The following CWC15 variants were observed in gnomAD, a reference collection of about 807,000 sequenced individuals.
CWC15 encodes the protein CWC15 spliceosome associated protein, also known as spliceosome-associated protein CWC15 homolog.
CWC15 carries 12 observed loss-of-function variants against 28.4 expected under a neutral mutation model. That is an observed-to-expected ratio of 0.42 (90% CI 0.27 to 0.69). The LOEUF is 0.69. Ranked by LOEUF, CWC15 falls within the 30% of genes least tolerant of loss-of-function variation. The pLI, the probability that CWC15 is intolerant of heterozygous loss-of-function variation, is 0.23. For missense variants in CWC15, 192 were observed against 271.5 expected, an observed-to-expected ratio of 0.71 and a Z score of 2.06; for synonymous variants, 92 against 88.4, an observed-to-expected ratio of 1.04 and a Z score of -0.23.
rs1555096338 is a variant in CWC15 at position 94,972,175 on chromosome 11, G to GT, written c.10_11insA (p.Ala4AspfsTer7). The GT allele has an allele frequency of 2.5e-6, 4 of 1,612,058 alleles. No homozygotes were observed. In the African/African-American group the frequency reaches 4.0e-5, roughly 16 times the overall value. On this transcript the variant is annotated frameshift_variant, in exon 2 of 7. Transcript: ENST00000279839. LOFTEE classifies it high-confidence loss of function. ...GGCAGGTTCAAAGGTTGGCCTGGCT[G>GT]CTGTTGTCATCTTTTATGCTTTGAA...
chr11:94,963,342 T>A lies in CWC15; in HGVS notation c.*43A>T. 2 of 1,454,326 alleles carry A rather than the reference T, an allele frequency of 1.4e-6. No individual in the cohort carries two copies. Among genetic ancestry groups the A allele is most frequent in the Non-Finnish European group, 1.8e-6 (2 of 1,091,540 alleles). 90.1% of individuals were successfully genotyped at this position (1,454,326 alleles called of 1,614,324 possible). A position where few individuals can be genotyped will look rare whatever the true frequency, so the allele number is the denominator to read the frequency against. Reference sequence around the variant, plus strand: ...AAACTCATAAAAAAAGTCAGAATGATCCTTTACGTTTTACAGTCTTTAATT... The same window carrying A: ...AAACTCATAAAAAAAGTCAGAATGAACCTTTACGTTTTACAGTCTTTAATT... On this transcript the variant is annotated 3_prime_UTR_variant, in exon 7 of 7. Coordinates refer to ENST00000279839, the MANE Select transcript of CWC15 (RefSeq NM_016403.4).
intron 4 of CWC15, chr11:94,970,749 C>G (rs1256392154): frequency 1.9e-6 from 1 of 518,894 alleles, no homozygotes; most frequent in Admixed American, 3.2e-5. Flanking sequence ...TTTATAGATT[C>G]CTTCCATATT....
chr11:94,964,205 C>T (rs1857609008), intron 6 of CWC15, among the ~76,000 whole-genome samples: 1 of 152,054 alleles, frequency 6.6e-6, no homozygotes, highest in Admixed American at 6.6e-5. Flanking sequence ...TATCACCTAG[C>T]ATATAAAACA....
At chr11:94,970,873 C>G (rs3737505) in intron 4 of CWC15, 104 bp downstream of exon 4, 592,844 of 950,822 alleles carry the variant, frequency 0.62, 190,260 homozygotes, top group Non-Finnish European at 0.68. Context: ...ATAACAGTAA[C>G]TAAACATAAA....
rs1026592941 is a variant in CWC15, at chr11:94,970,416, C to T, written c.334-320G>A. On this transcript the variant is annotated intron_variant, in intron 4 of 6. Transcript: ENST00000279839. ...GTTAGATATTACTCATTGGATGCCA[C>T]TCAGGTTTTTCACTGTCCTGTATGT... 3.5e-5 allele frequency: 7 copies of T among 198,636 alleles called. No homozygotes were observed. The South Asian group carries it at 1.0e-3, about 28-fold the overall frequency. 12.3% of individuals were successfully genotyped at this position (198,636 alleles called of 1,614,324 possible). A position where few individuals can be genotyped will look rare whatever the true frequency, so the allele number is the denominator to read the frequency against.
chr11:94,964,727 G>C (rs587618156), intron 6 of CWC15, among the ~76,000 whole-genome samples: 2 of 152,098 alleles, frequency 1.3e-5, no homozygotes, highest in South Asian at 4.1e-4. Context: ...TGTTAGCCTA[G>C]ACTTTTTCAT....
chr11:94,971,825 G>C (rs1203099516), intron 2 of CWC15, among the ~76,000 whole-genome samples: 1 of 152,068 alleles, frequency 6.6e-6, no homozygotes, highest in Admixed American at 6.5e-5. Context: ...ATACTCTGAG[G>C]CATTATTATT....
intron 5 of CWC15, among the ~76,000 whole-genome samples, chr11:94,967,230 G>A (rs1230419603): frequency 6.6e-6 from 1 of 152,026 alleles, no homozygotes; most frequent in Non-Finnish European, 1.5e-5. Flanking sequence ...ATTTCACCAT[G>A]TTGGCCAGGC....
At chr11:94,970,210 AAAC>A (rs1857700762) in intron 4 of CWC15, 114 bp from the exon 5 acceptor site, 1 of 436,218 alleles carries the variant, frequency 2.3e-6, no homozygotes, top group South Asian at 8.9e-5. Flanking sequence ...ATGTAGCTCA[AAAC>A]AACTTTAAGC....
intron 2 of CWC15, 66 bp from the exon 3 acceptor site, chr11:94,971,553 G>A (rs1857722611): frequency 4.6e-6 from 4 of 861,972 alleles, no homozygotes; most frequent in African/African-American, 1.7e-5. Context: ...CACAGAGACT[G>A]TAGTAATGGA....
intron 2 of CWC15, 56 bp downstream of exon 2, chr11:94,971,999 C>A: frequency 6.7e-7 from 1 of 1,482,458 alleles, no homozygotes. Flanking sequence ...CATGACCATG[C>A]CATTTAACAG....
intron 5 of CWC15, among the ~76,000 whole-genome samples, chr11:94,968,366 G>A (rs1010880228): frequency 4.6e-5 from 7 of 152,154 alleles, no homozygotes; most frequent in Non-Finnish European, 8.8e-5. Flanking sequence ...GGGAAACAGG[G>A]ATAAAAGAAA....
intron 6 of CWC15, among the ~76,000 whole-genome samples, chr11:94,963,726 A>C (rs1555094772): frequency 6.6e-6 from 1 of 152,226 alleles, no homozygotes; most frequent in African/African-American, 2.4e-5. Context: ...TAGAACATTA[A>C]AACATTCTTA....
At chr11:94,971,567 C>T in intron 2 of CWC15, 80 bp from the exon 3 acceptor site, 1 of 780,480 alleles carries the variant, frequency 1.3e-6, no homozygotes, top group Non-Finnish European at 2.0e-6. Context: ...TAATGGAAGA[C>T]AATTCAGGAA....
At chr11:94,966,071 A>G (rs1448815671) in intron 6 of CWC15, among the ~76,000 whole-genome samples, 2 of 152,152 alleles carry the variant, frequency 1.3e-5, no homozygotes, top group African/African-American at 4.8e-5. Flanking sequence ...TCTATTGAAA[A>G]TAAGTTTATT....
rs1034940931 is a variant in CWC15 at position 94,962,828 on chromosome 11, G to A, written c.*557C>T. On this transcript the variant is annotated 3_prime_UTR_variant, in exon 7 of 7. Coordinates refer to ENST00000279839, the MANE Select transcript of CWC15 (RefSeq NM_016403.4). ...AAAAAAAACAAGTACCTGCAGAAGT[G>A]AGCGATACCCAATGCTCTCCCAGAC... 8 of 152,346 alleles carry A rather than the reference G, an allele frequency of 5.3e-5. No individual in the cohort carries two copies. Among genetic ancestry groups the A allele is most frequent in the Middle Eastern group, 3.4e-3 (1 of 294 alleles). The allele number at this position is 152,346 out of a possible 1,614,324, so 9.4% of individuals were successfully genotyped here.
Position 94,966,414 on chromosome 11 carries a change from C to T in CWC15, c.442-1G>A. The T allele has an allele frequency of 6.5e-7, 1 of 1,541,282 alleles. No individual in the cohort carries two copies. The highest frequency in any genetic ancestry group is 8.8e-7 in the Non-Finnish European group (1 of 1,138,604). ...CTTCTTCAGCTTTTTGTTCTTGTTC[C>T]TGTCAATGATAAAGGAAGATTAACA... On this transcript the variant is annotated splice_acceptor_variant, in intron 5 of 6. Coordinates refer to ENST00000279839, the MANE Select transcript of CWC15 (RefSeq NM_016403.4). LOFTEE classifies it high-confidence loss of function.
At position 94,963,263 on chromosome 11, in the gene CWC15, G is replaced by A. The variant is rs75365808; in HGVS notation, c.*122C>T. 0.021 allele frequency: 14,341 copies of A among 676,730 alleles called. 241 individuals are homozygous for A. The highest frequency in any genetic ancestry group is 0.027 in the Non-Finnish European group (12,025 of 444,156). The allele number at this position is 676,730 out of a possible 1,614,324, so 41.9% of individuals were successfully genotyped here. On this transcript the variant is annotated 3_prime_UTR_variant, in exon 7 of 7. Coordinates refer to ENST00000279839, the MANE Select transcript of CWC15 (RefSeq NM_016403.4). ...AAGGTATCACTAAAGAAAAAGATAGGAGTTTAAAACTGGGGAAGCCCACAC... is the reference window on the plus strand; with the variant it reads ...AAGGTATCACTAAAGAAAAAGATAGAAGTTTAAAACTGGGGAAGCCCACAC...
intron 5 of CWC15, among the ~76,000 whole-genome samples, chr11:94,968,266 C>A (rs2134101013): frequency 6.6e-6 from 1 of 152,220 alleles, no homozygotes; most frequent in Non-Finnish European, 1.5e-5. Context: ...TACTACCTGG[C>A]CCTTTACAGA....
Sources: gnomAD v4.1 joint callset for allele counts (sites outside exome capture counted in the v4.1 genomes callset) on GRCh38, gnomAD v4.1.1 for gene constraint, MANE v1.5 for transcripts, NCBI Gene and HGNC (gene_info 2026-07-23, HGNC 2026-07-21) for gene names.